The following TRDN variants were observed in gnomAD, a reference collection of about 807,000 sequenced individuals.
TRDN encodes triadin.
Under a neutral mutation model 149.7 loss-of-function variants are expected in TRDN, and 161 were observed. The observed-to-expected ratio is 1.08, with a 90% CI of 0.95 to 1.23. The LOEUF (loss-of-function observed/expected upper bound fraction) is 1.23. Among genes scored for constraint, TRDN ranks in the 50% most tolerant of loss-of-function variants. The pLI is 0.00. For synonymous variants in TRDN, 294 were observed against 250.5 expected (o/e 1.17, Z -1.64); for missense variants, 896 against 823.5 (o/e 1.09, Z -1.08).
chr6:123,380,645 A>G (rs1781678181), intron 16 of TRDN, among the ~76,000 whole-genome samples: 1 of 151,718 alleles, frequency 6.6e-6, no homozygotes, highest in Non-Finnish European at 1.5e-5. Context: ...TTTTGATATC[A>G]CTAGAATCTT....
intron 23 of TRDN, among the ~76,000 whole-genome samples, chr6:123,329,075 A>G (rs1228211653): frequency 6.6e-6 from 1 of 152,132 alleles, no homozygotes; most frequent in Non-Finnish European, 1.5e-5. Context: ...GCACTTCCAT[A>G]TTCCTGGAAA....
At chr6:123,287,863 T>C (rs1433292809) in intron 24 of TRDN, among the ~76,000 whole-genome samples, 1 of 152,066 alleles carries the variant, frequency 6.6e-6, no homozygotes, top group Non-Finnish European at 1.5e-5. Context: ...ATGTTTCAAA[T>C]AGTGAGTAGC....
chr6:123,434,640 C>T (rs114643092), intron 12 of TRDN, among the ~76,000 whole-genome samples: 44 of 152,238 alleles, frequency 2.9e-4, no homozygotes, highest in African/African-American at 8.4e-4. Context: ...GTGTTTCTAG[C>T]ACTGAAGTCT....
intron 10 of TRDN, 98 bp from the exon 11 acceptor site, chr6:123,439,101 C>A: frequency 1.1e-6 from 1 of 890,674 alleles, no homozygotes; most frequent in Non-Finnish European, 1.7e-6. Flanking sequence ...GTTCTGCCTC[C>A]AGCTAGCTTT....
intron 4 of TRDN, among the ~76,000 whole-genome samples, chr6:123,539,871 T>A (rs1294671537): frequency 1.3e-5 from 2 of 152,186 alleles, no homozygotes; most frequent in Non-Finnish European, 2.9e-5. Context: ...CTCTTTTGGG[T>A]TGCAATGGCT....
In TRDN at chr6:123,466,634, T is replaced by C. The variant is rs1415403951; in HGVS notation, c.854-1651A>G. Among the ~76,000 whole-genome samples, 6 of 148,228 alleles carry C rather than the reference T, an allele frequency of 4.0e-5. 1 individual carries two copies. Among genetic ancestry groups the C allele is most frequent in the South Asian group, 2.1e-4 (1 of 4,656 alleles). On this transcript the variant is annotated intron_variant, in intron 9 of 40. Transcript: ENST00000334268. ...TTTCTCGGTGGGTCAAAGGGATATATACTTGGAAAGATCTATTCCCCAACC... is the reference window on the plus strand; with the variant it reads ...TTTCTCGGTGGGTCAAAGGGATATACACTTGGAAAGATCTATTCCCCAACC...
chr6:123,263,891 C>T (rs1302167927), intron 33 of TRDN, among the ~76,000 whole-genome samples: 1 of 152,046 alleles, frequency 6.6e-6, no homozygotes, highest in East Asian at 1.9e-4. Context: ...ATCTAGATGA[C>T]AGCACATCTG....
rs763164617 is a variant in TRDN at position 123,571,039 on chromosome 6, T to A, written c.116A>T (p.Asp39Val). 3 of 1,613,866 alleles carry A rather than the reference T, an allele frequency of 1.9e-6. No individual in the cohort carries two copies. The African/African-American group carries it at 4.0e-5, about 22-fold the overall frequency. The change falls in exon 2 of 41, where the codon GAC (aspartate) becomes GTC (valine). Residue 39 changes from aspartate to valine, a missense_variant. Transcript: ENST00000334268. ...GKVLKRTVTE[D>V]IVTTFSSPAA... ...AGGGGAGCTGAACGTCGTCACTATG[T>A]CTTCTGTGACTGTCCTCTTCAGCAC...
Position 123,553,903 on chromosome 6 carries a change from C to T in TRDN, c.233-5291G>A, listed in dbSNP as rs568697345. 1.3e-4 allele frequency among the ~76,000 whole-genome samples: 20 copies of T among 152,204 alleles called. No individual in the cohort carries two copies. In the South Asian group the frequency reaches 4.1e-3, roughly 32 times the overall value. On this transcript the variant is annotated intron_variant, in intron 2 of 40. Coordinates refer to ENST00000334268, the MANE Select transcript of TRDN (RefSeq NM_006073.4). ...TATTTGGGTGGGGACACTATCAAAC[C>T]ATATCAGCATAGAGGGCAGATAATA...
At chr6:123,496,020 A>C (rs1465502286) in intron 9 of TRDN, among the ~76,000 whole-genome samples, 2 of 148,042 alleles carry the variant, frequency 1.4e-5, no homozygotes, top group African/African-American at 4.9e-5. Flanking sequence ...CTATACACAA[A>C]CATCGATATT....
chr6:123,543,980 A>G (rs1213843277), intron 4 of TRDN, among the ~76,000 whole-genome samples: 2 of 152,020 alleles, frequency 1.3e-5, no homozygotes, highest in Non-Finnish European at 2.9e-5. Context: ...ATATTCTGTG[A>G]TTTCACATCC....
At chr6:123,305,502 T>C (rs1177911800) in intron 24 of TRDN, among the ~76,000 whole-genome samples, 2 of 152,110 alleles carry the variant, frequency 1.3e-5, no homozygotes, top group African/African-American at 4.8e-5. Context: ...TAAAGCCCTA[T>C]AAGGTAATGC....
chr6:123,276,737 G>T (rs1777380399), intron 26 of TRDN, among the ~76,000 whole-genome samples: 1 of 152,158 alleles, frequency 6.6e-6, no homozygotes, highest in Non-Finnish European at 1.5e-5. Context: ...GACGCCCCAT[G>T]AATTGAATGT....
chr6:123,492,350 T>C (rs1409680471), intron 9 of TRDN, among the ~76,000 whole-genome samples: 1 of 152,174 alleles, frequency 6.6e-6, no homozygotes, highest in Non-Finnish European at 1.5e-5. Flanking sequence ...TTAAAATTAC[T>C]AAGCACAAGC....
chr6:123,564,019 A>G (rs1323771717), intron 2 of TRDN, among the ~76,000 whole-genome samples: 1 of 152,242 alleles, frequency 6.6e-6, no homozygotes, highest in African/African-American at 2.4e-5. Context: ...TAGGAACAAT[A>G]TAATCTAAGA....
intron 24 of TRDN, among the ~76,000 whole-genome samples, chr6:123,301,752 C>CATATATAT (rs776895792): frequency 2.2e-4 from 17 of 77,110 alleles, no homozygotes; most frequent in African/African-American, 7.0e-4. Context: ...TATATATATA[C>CATATATAT]ATATATATAT....
chr6:123,350,862 T>C (rs1409142431), intron 21 of TRDN: 3 of 983,712 alleles, frequency 3.0e-6, no homozygotes, highest in African/African-American at 1.7e-5. Flanking sequence ...AAGAAGATTT[T>C]AGTAAACAAA....
chr6:123,285,023 CAAAT>C lies in TRDN; in HGVS notation c.1511-5945_1511-5942del, dbSNP rs554458477. Among the ~76,000 whole-genome samples the C allele has an allele frequency of 2.4e-4, 36 of 152,102 alleles. No homozygotes were observed. The South Asian group carries it at 7.1e-3, about 30-fold the overall frequency. On this transcript the variant is annotated intron_variant, in intron 24 of 40. Transcript: ENST00000334268. ...TGAAAGCAATCACAGACAATACAAA[CAAAT>C]GGAAACATATCACATGCTCATGGAT...
chr6:123,350,168 T>C, intron 21 of TRDN: 7 of 970,130 alleles, frequency 7.2e-6, no homozygotes, highest in Non-Finnish European at 6.1e-6. Context: ...TCTTATTTAA[T>C]TACCTAAAAA....
Sources: gnomAD v4.1 joint callset for allele counts (sites outside exome capture counted in the v4.1 genomes callset) on GRCh38, gnomAD v4.1.1 for gene constraint, MANE v1.5 for transcripts, NCBI Gene and HGNC (gene_info 2026-07-23, HGNC 2026-07-21) for gene names.